LCT: variants seen among roughly 807,000 people sequenced by gnomAD.
The protein encoded by LCT is lactase/phlorizin hydrolase.
In LCT, 90 loss-of-function variants were observed where a neutral mutation model predicts 173.0. That is an observed-to-expected ratio of 0.52 (90% confidence interval 0.44 to 0.62). LCT has a LOEUF of 0.62. LCT is among the 20% of genes least tolerant of loss of function. The probability of loss-of-function intolerance (pLI) is 0.00; values close to 1 mark genes in which losing one functional copy is unlikely to be tolerated. For synonymous variants in LCT, 853 were observed against 957.6 expected, an observed-to-expected ratio of 0.89 and a Z score of 2.02; for missense variants, 1,864 against 2,431.4, an observed-to-expected ratio of 0.77 and a Z score of 4.91.
intron 7 of LCT, among the ~76,000 whole-genome samples, chr2:135,810,743 G>T (rs548022690): frequency 7.3e-6 from 1 of 136,402 alleles, no homozygotes; most frequent in African/African-American, 2.7e-5. Flanking sequence ...AAAAAAAAAT[G>T]TGGCCAGGCG....
intron 7 of LCT, among the ~76,000 whole-genome samples, chr2:135,811,488 G>A (rs942757224): frequency 5.9e-5 from 9 of 152,208 alleles, no homozygotes; most frequent in Admixed American, 1.3e-4. Context: ...GAATGAGACC[G>A]TAGATGTGGA....
chr2:135,815,901 G>A (rs1480768723), intron 6 of LCT, among the ~76,000 whole-genome samples: 1 of 152,052 alleles, frequency 6.6e-6, no homozygotes, highest in African/African-American at 2.4e-5. Context: ...ATTTCACCAT[G>A]TTGGCCAGGC....
rs186744497 is a variant in LCT, at chr2:135,836,513, G to A, written c.640+17C>T. On this transcript the variant is annotated intron_variant, in intron 1 of 16. Transcript: ENST00000264162. ...GAAGGTTGCCGAGGGGTCACCATCAGGTCAATGTGTACTCACCCTGAAAAG... is the reference window on the plus strand; with the variant it reads ...GAAGGTTGCCGAGGGGTCACCATCAAGTCAATGTGTACTCACCCTGAAAAG... 2 of 1,613,090 alleles carry A rather than the reference G, an allele frequency of 1.2e-6. No homozygotes were observed. The highest frequency in any genetic ancestry group is 1.3e-5 in the African/African-American group (1 of 75,008).
At chr2:135,793,971 CAAAA>C (rs34100426) in intron 14 of LCT, among the ~76,000 whole-genome samples, 3 of 124,220 alleles carry the variant, frequency 2.4e-5, no homozygotes, top group African/African-American at 6.4e-5. Context: ...TGCTAAAATA[CAAAA>C]AAAAAAAAAA....
At chr2:135,811,991 T>C (rs538007895) in intron 7 of LCT, among the ~76,000 whole-genome samples, 1 of 151,544 alleles carries the variant, frequency 6.6e-6, no homozygotes, top group African/African-American at 2.4e-5. Flanking sequence ...AGGTGGGAGG[T>C]TGGCTTGAGC....
At chr2:135,802,101 C>A (rs1399155789) in intron 11 of LCT, among the ~76,000 whole-genome samples, 1 of 152,154 alleles carries the variant, frequency 6.6e-6, no homozygotes, top group South Asian at 2.1e-4. Context: ...AAGAGAGGCG[C>A]CTCTCATGTG....
Position 135,804,133 on chromosome 2 carries a change from G to T in LCT, c.4465-5C>A. 1 of 1,611,588 alleles carries T rather than the reference G, an allele frequency of 6.2e-7. No individual in the cohort carries two copies. Among genetic ancestry groups the T allele is most frequent in the South Asian group, 1.1e-5 (1 of 90,996 alleles). On this transcript the variant is annotated splice_polypyrimidine_tract_variant and splice_region_variant and intron_variant, in intron 10 of 16. Coordinates refer to ENST00000264162, the MANE Select transcript of LCT (RefSeq NM_002299.4). ...GTCCCAGTGGTAAATGGTCACCTGG[G>T]AAGAAGCCAGATCAGCTGTTGCATC...
At chr2:135,824,516 G>A (rs957206414) in intron 3 of LCT, among the ~76,000 whole-genome samples, 1 of 152,078 alleles carries the variant, frequency 6.6e-6, no homozygotes, top group Non-Finnish European at 1.5e-5. Context: ...ACTCCAGCCT[G>A]GGTGACAGAG....
At chr2:135,806,834 C>G (rs1337413629) in intron 9 of LCT, among the ~76,000 whole-genome samples, 1 of 152,216 alleles carries the variant, frequency 6.6e-6, no homozygotes, top group East Asian at 1.9e-4. Flanking sequence ...GTGAGCAATG[C>G]GTGACTGTAT....
Position 135,807,365 on chromosome 2 carries a change from C to T in LCT, c.3936G>A (p.Gly1312=), listed in dbSNP as rs747030540. 11 of 1,614,032 alleles carry T rather than the reference C, an allele frequency of 6.8e-6. No individual in the cohort carries two copies. In the African/African-American group the frequency reaches 1.2e-4, roughly 18 times the overall value. ...AYRLDGIDLR[G]YVAWSLMDNF... The stretch of plus-strand genomic sequence containing the variant: ...TGTCCATCAGAGACCAGGCGACATA[C>T]CCTCGAAGGTCTATACCATCGAGCC... The change falls in exon 9 of 17, where the codon GGG becomes GGA. Residue 1312 remains glycine (G), a synonymous_variant. Transcript: ENST00000264162.
intron 5 of LCT, among the ~76,000 whole-genome samples, chr2:135,819,720 T>C (rs558940855): frequency 2.0e-5 from 3 of 152,204 alleles, no homozygotes; most frequent in South Asian, 4.1e-4. Context: ...CCAAAACATA[T>C]GCGACTGTGG....
intron 11 of LCT, among the ~76,000 whole-genome samples, chr2:135,803,685 C>A (rs2105527938): frequency 6.6e-6 from 1 of 152,352 alleles, no homozygotes; most frequent in South Asian, 2.1e-4. Flanking sequence ...TCTCAGAGAG[C>A]TTCCCACCTG....
chr2:135,822,496 C>A, intron 4 of LCT: 2 of 216,754 alleles, frequency 9.2e-6, no homozygotes, highest in South Asian at 7.5e-5. Context: ...TAGAAGAACT[C>A]AAAGATCAGA....
chr2:135,837,074 A>G lies in LCT; in HGVS notation c.96T>C (p.Ala32=). 1 of 1,614,146 alleles carries G rather than the reference A, an allele frequency of 6.2e-7. No individual in the cohort carries two copies. Among genetic ancestry groups the G allele is most frequent in the Non-Finnish European group, 8.5e-7 (1 of 1,180,012 alleles). The change falls in exon 1 of 17, where the codon GCT becomes GCC. Residue 32 remains alanine (A), a synonymous_variant. Transcript: ENST00000264162. Reference sequence around the variant, plus strand: ...GCAGCAAGTCATTGGTTAGAGGACCAGCGGTGGAAATGAAATTTCTATCAG... The same window carrying G: ...GCAGCAAGTCATTGGTTAGAGGACCGGCGGTGGAAATGAAATTTCTATCAG... ...WESDRNFIST[A]GPLTNDLLHN...
chr2:135,801,732 T>C (rs1352347902), intron 11 of LCT, among the ~76,000 whole-genome samples: 1 of 151,404 alleles, frequency 6.6e-6, no homozygotes, highest in Non-Finnish European at 1.5e-5. Context: ...TGCCACCACA[T>C]CTGGTTAATT....
In LCT at chr2:135,800,697, G is replaced by A. The variant is rs183168007; in HGVS notation, c.4776C>T (p.Gly1592=). The A allele has an allele frequency of 1.5e-4, 241 of 1,613,846 alleles. No homozygotes were observed. The East Asian group carries it at 2.2e-3, about 15-fold the overall frequency. ...YNDVYRASQG[G]VISITISSDW... is the part of the protein sequence containing the mutation. ...CACTGCTGATGGTGATGGAAATCAC[G>A]CCACCTTGACTGGCGCGGTACACAT... Residue 1592 remains glycine, a synonymous_variant, in exon 12 of 17, where the codon GGC becomes GGT. Transcript: ENST00000264162.
At chr2:135,831,559 G>A (rs939462714) in intron 2 of LCT, among the ~76,000 whole-genome samples, 12 of 152,156 alleles carry the variant, frequency 7.9e-5, no homozygotes, top group African/African-American at 2.9e-4. Flanking sequence ...GCTATTTCTC[G>A]ACAAGCATTT....
intron 2 of LCT, among the ~76,000 whole-genome samples, chr2:135,832,269 C>T (rs912805585): frequency 3.3e-5 from 5 of 150,282 alleles, no homozygotes; most frequent in African/African-American, 1.2e-4. Flanking sequence ...TGATAGTTGG[C>T]TGGGTGTGGT....
chr2:135,830,269 G>C (rs565148912), intron 2 of LCT, among the ~76,000 whole-genome samples: 139 of 151,972 alleles, frequency 9.1e-4, no homozygotes, highest in African/African-American at 3.0e-3. Flanking sequence ...CCTGGTCGTC[G>C]ACACCCCCAT....
Sources: gnomAD v4.1 joint callset for allele counts (sites outside exome capture counted in the v4.1 genomes callset) on GRCh38, gnomAD v4.1.1 for gene constraint, MANE v1.5 for transcripts, NCBI Gene and HGNC (gene_info 2026-07-23, HGNC 2026-07-21) for gene names.